ADK: variants seen among roughly 807,000 people sequenced by gnomAD.
The protein encoded by ADK is adenosine kinase.
Under a neutral mutation model 44.7 loss-of-function variants are expected in ADK, and 24 were observed. The observed-to-expected ratio is 0.54, with a 90% CI of 0.39 to 0.76. ADK has a LOEUF of 0.76. ADK is among the 30% of genes least tolerant of loss of function. The probability of loss-of-function intolerance (pLI) is 0.00; values close to 1 mark genes in which losing one functional copy is unlikely to be tolerated. For synonymous variants in ADK, 128 were observed against 142.6 expected (o/e 0.90, Z 0.73); for missense variants, 321 against 425.1 (o/e 0.76, Z 2.15).
chr10:74,401,315 C>G (rs1349151908), intron 6 of ADK, among the ~76,000 whole-genome samples: 2 of 152,182 alleles, frequency 1.3e-5, no homozygotes, highest in Non-Finnish European at 2.9e-5. Context: ...CAGTGGATTG[C>G]TTTTGGTCAG....
intron 7 of ADK, among the ~76,000 whole-genome samples, chr10:74,565,094 C>T (rs1259951140): frequency 4.6e-5 from 7 of 151,990 alleles, no homozygotes; most frequent in Non-Finnish European, 1.0e-4. Context: ...GTATTAGTAA[C>T]ATGGAGAAAA....
chr10:74,337,914 C>T (rs968627533), intron 4 of ADK, among the ~76,000 whole-genome samples: 1 of 152,066 alleles, frequency 6.6e-6, no homozygotes, highest in African/African-American at 2.4e-5. Context: ...AGGCACCTGC[C>T]ACCACGCTGG....
chr10:74,174,526 A>G (rs1429058105), intron 1 of ADK: 1 of 152,208 alleles, frequency 6.6e-6, no homozygotes, highest in Non-Finnish European at 1.5e-5. Flanking sequence ...CTGCATTTTA[A>G]CAAGATCCAC....
chr10:74,633,039 C>T (rs556093026), intron 9 of ADK, among the ~76,000 whole-genome samples: 5 of 152,172 alleles, frequency 3.3e-5, no homozygotes, highest in Non-Finnish European at 7.4e-5. Flanking sequence ...TTAATATATA[C>T]ATAAGATGGA....
intron 6 of ADK, among the ~76,000 whole-genome samples, chr10:74,476,503 A>G (rs1044682212): frequency 1.3e-5 from 2 of 152,076 alleles, no homozygotes; most frequent in African/African-American, 4.8e-5. Context: ...AAAAAAAAAA[A>G]AAATTGCTGA....
intron 9 of ADK, among the ~76,000 whole-genome samples, chr10:74,610,166 A>C (rs1171383941): frequency 6.6e-6 from 1 of 152,218 alleles, no homozygotes; most frequent in Non-Finnish European, 1.5e-5. Flanking sequence ...AGAAGCAATC[A>C]AAGTGTCCAT....
At chr10:74,616,586 C>T (rs140834355) in intron 9 of ADK, among the ~76,000 whole-genome samples, 117 of 152,156 alleles carry the variant, frequency 7.7e-4, no homozygotes, top group African/African-American at 2.7e-3. Context: ...ATTCTCTATC[C>T]TTTACCAATT....
intron 4 of ADK, among the ~76,000 whole-genome samples, chr10:74,318,580 C>T (rs558984840): frequency 1.6e-4 from 25 of 152,272 alleles, no homozygotes; most frequent in African/African-American, 3.6e-4. Context: ...CTGTAACTTA[C>T]TTGGAATCCA....
At chr10:74,224,987 C>A (rs997258505) in intron 3 of ADK, among the ~76,000 whole-genome samples, 3 of 152,142 alleles carry the variant, frequency 2.0e-5, no homozygotes, top group Non-Finnish European at 4.4e-5. Context: ...GGTGGATCAC[C>A]CACCTTCATG....
At chr10:74,188,313 T>C (rs2132108710) in intron 1 of ADK, among the ~76,000 whole-genome samples, 1 of 148,968 alleles carries the variant, frequency 6.7e-6, no homozygotes, top group East Asian at 1.9e-4. Context: ...TTTTGTTTTG[T>C]TGAATTTCTA....
In ADK at chr10:74,251,389, T is replaced by C. The variant is rs116935419; in HGVS notation, c.194+26798T>C. On this transcript the variant is annotated intron_variant, in intron 3 of 10. Coordinates refer to ENST00000539909, the MANE Select transcript of ADK (RefSeq NM_006721.4). ...TATTGGAGGTAGAATCAATAATTTT[T>C]CTGGTTTTGAAATAACCTGTGTTTT... Among the ~76,000 whole-genome samples the C allele has an allele frequency of 1.0e-3, 157 of 152,310 alleles. 1 individual carries two copies. The East Asian group carries it at 0.022, about 22-fold the overall frequency.
intron 6 of ADK, among the ~76,000 whole-genome samples, chr10:74,488,655 A>G (rs1847360492): frequency 1.4e-5 from 2 of 147,788 alleles, no homozygotes; most frequent in Admixed American, 1.4e-4. Flanking sequence ...TCTAAATTTC[A>G]GATGTCAGAA....
chr10:74,217,685 A>G (rs1844111853), intron 2 of ADK, among the ~76,000 whole-genome samples: 1 of 152,220 alleles, frequency 6.6e-6, no homozygotes, highest in African/African-American at 2.4e-5. Flanking sequence ...TTCCAGAGGA[A>G]CGATCAGACA....
At chr10:74,186,771 G>C (rs1412865899) in intron 1 of ADK, among the ~76,000 whole-genome samples, 1 of 152,136 alleles carries the variant, frequency 6.6e-6, no homozygotes. Context: ...ATATTTTTTA[G>C]ATTCACCCAT....
intron 3 of ADK, among the ~76,000 whole-genome samples, chr10:74,271,142 A>G (rs1846414825): frequency 6.6e-6 from 1 of 152,050 alleles, no homozygotes; most frequent in Non-Finnish European, 1.5e-5. Context: ...TGTATTGAGA[A>G]TTTTTCTTAG....
At chr10:74,295,534 G>A (rs1411196727) in intron 3 of ADK, among the ~76,000 whole-genome samples, 3 of 151,954 alleles carry the variant, frequency 2.0e-5, no homozygotes, top group Non-Finnish European at 2.9e-5. Flanking sequence ...GTTGGCATAT[G>A]TCTTTTTGGA....
intron 2 of ADK, among the ~76,000 whole-genome samples, chr10:74,219,529 T>C (rs1844208178): frequency 2.0e-5 from 3 of 152,134 alleles, no homozygotes; most frequent in African/African-American, 7.2e-5. Flanking sequence ...CTAATAGACA[T>C]CTACAGAACT....
chr10:74,336,324 G>C (rs1418954725), intron 4 of ADK, among the ~76,000 whole-genome samples: 1 of 151,980 alleles, frequency 6.6e-6, no homozygotes, highest in African/African-American at 2.4e-5. Flanking sequence ...GTACTTTTTT[G>C]AAAATCAATT....
At chr10:74,527,099 C>T (rs1018779714) in intron 7 of ADK, among the ~76,000 whole-genome samples, 5 of 152,168 alleles carry the variant, frequency 3.3e-5, no homozygotes, top group East Asian at 1.9e-4. Context: ...CGGTGGCTCA[C>T]GCCTGTGATC....
Sources: gnomAD v4.1 joint callset for allele counts (sites outside exome capture counted in the v4.1 genomes callset) on GRCh38, gnomAD v4.1.1 for gene constraint, MANE v1.5 for transcripts, NCBI Gene and HGNC (gene_info 2026-07-23, HGNC 2026-07-21) for gene names.